Variants in RHEB observed in about 807,000 individuals in gnomAD.
RHEB encodes the protein Ras homolog, mTORC1 binding, also known as GTP-binding protein Rheb.
RHEB carries 2 observed loss-of-function variants against 28.8 expected under a neutral mutation model. The ratio of observed to expected loss-of-function variants is 0.07; its 90% CI spans 0.03 to 0.22. RHEB has a LOEUF of 0.22. RHEB is among the 10% of genes least tolerant of loss of function. The pLI is 1.00. For synonymous variants in RHEB, 69 were observed against 77.3 expected (o/e 0.89, Z 0.56); for missense variants, 76 against 219.9 (o/e 0.35, Z 4.14).
At chr7:151,476,346 A>G (rs987231190) in intron 4 of RHEB, among the ~76,000 whole-genome samples, 4 of 152,190 alleles carry the variant, frequency 2.6e-5, no homozygotes, top group Admixed American at 2.0e-4. Flanking sequence ...ACTGTAACCG[A>G]GGGAGGCTTA....
At chr7:151,482,214 T>C (rs1198234549) in intron 3 of RHEB, among the ~76,000 whole-genome samples, 1 of 152,210 alleles carries the variant, frequency 6.6e-6, no homozygotes. Flanking sequence ...TCACTATTTA[T>C]AGATAAAGCT....
intron 1 of RHEB, among the ~76,000 whole-genome samples, chr7:151,509,753 T>C (rs112135060): frequency 3.9e-5 from 6 of 152,262 alleles, no homozygotes; most frequent in African/African-American, 2.4e-5. Context: ...CTTTAAGTGG[T>C]TGGAAAAAGA....
intron 1 of RHEB, among the ~76,000 whole-genome samples, chr7:151,492,683 T>C (rs1241054778): frequency 6.6e-6 from 1 of 151,794 alleles, no homozygotes; most frequent in Non-Finnish European, 1.5e-5. Context: ...GGTAGACCTA[T>C]TTACTCCTTA....
chr7:151,496,093 C>A (rs1453320501), intron 1 of RHEB, among the ~76,000 whole-genome samples: 2 of 152,218 alleles, frequency 1.3e-5, no homozygotes, highest in Non-Finnish European at 2.9e-5. Flanking sequence ...TGTAATGCAT[C>A]TAGGACACAA....
chr7:151,499,380 A>C (rs1180827765), intron 1 of RHEB, among the ~76,000 whole-genome samples: 1 of 152,158 alleles, frequency 6.6e-6, no homozygotes, highest in African/African-American at 2.4e-5. Flanking sequence ...AAGGACAGGA[A>C]AGGAAAGGGC....
chr7:151,477,859 T>C (rs145685550), intron 3 of RHEB, among the ~76,000 whole-genome samples: 1 of 152,224 alleles, frequency 6.6e-6, no homozygotes, highest in East Asian at 1.9e-4. Context: ...TCAGTCACAA[T>C]GACCTGAGCT....
chr7:151,484,913 G>C, intron 2 of RHEB, 109 bp from the exon 3 acceptor site: 1 of 661,946 alleles, frequency 1.5e-6, no homozygotes, highest in Admixed American at 2.7e-5. Context: ...CAGTCTCAGA[G>C]AAAGGCCCCA....
intron 1 of RHEB, chr7:151,517,962 G>A (rs1254486853): frequency 6.6e-6 from 1 of 152,174 alleles, no homozygotes. Context: ...ATGCAGAGGA[G>A]GAAATCAAGA....
intron 1 of RHEB, among the ~76,000 whole-genome samples, chr7:151,511,423 A>C (rs1211145525): frequency 1.3e-5 from 2 of 152,218 alleles, no homozygotes; most frequent in Non-Finnish European, 2.9e-5. Context: ...CCAAGCAAGC[A>C]TGACACTTCG....
intron 4 of RHEB, among the ~76,000 whole-genome samples, chr7:151,474,411 C>T (rs1356600111): frequency 6.6e-6 from 1 of 152,142 alleles, no homozygotes; most frequent in Non-Finnish European, 1.5e-5. Context: ...GAACTCCTGA[C>T]CTCAAATGAT....
chr7:151,471,273 A>G (rs1276970461), intron 6 of RHEB, 121 bp downstream of exon 6: 6 of 710,268 alleles, frequency 8.4e-6, no homozygotes, highest in Non-Finnish European at 1.4e-5. Context: ...GCACACGACC[A>G]TAACACCTCT....
At chr7:151,470,242 C>CT (rs371576808) in intron 7 of RHEB, 67 of 165,470 alleles carry the variant, frequency 4.0e-4, no homozygotes, top group East Asian at 6.6e-4. Flanking sequence ...TGATATAATT[C>CT]TTTTTTTTTC....
intron 2 of RHEB, among the ~76,000 whole-genome samples, chr7:151,486,742 C>T (rs1382147495): frequency 1.3e-5 from 2 of 152,146 alleles, no homozygotes; most frequent in African/African-American, 4.8e-5. Flanking sequence ...ACTGTACAGA[C>T]TATCACAATC....
At chr7:151,519,282 G>C in intron 1 of RHEB, 178 bp downstream of exon 1, 1 of 319,172 alleles carries the variant, frequency 3.1e-6, no homozygotes, top group Non-Finnish European at 5.2e-6. Flanking sequence ...CTCCACCGGC[G>C]CGGACGCCGC....
At chr7:151,503,502 C>A in intron 1 of RHEB, 1 of 897,688 alleles carries the variant, frequency 1.1e-6, no homozygotes, top group Non-Finnish European at 1.8e-6. Flanking sequence ...CTCCAGCATC[C>A]AACCCAAGAA....
intron 1 of RHEB, among the ~76,000 whole-genome samples, chr7:151,495,618 GA>G (rs1802659059): frequency 6.6e-6 from 1 of 152,114 alleles, no homozygotes; most frequent in Non-Finnish European, 1.5e-5. Flanking sequence ...TAAGTTTTCA[GA>G]TTAATATTGA....
In RHEB at chr7:151,502,960, T is replaced by C. The variant is rs1230575223; in HGVS notation, c.53-11946A>G. On this transcript the variant is annotated intron_variant, in intron 1 of 7. Coordinates refer to ENST00000262187, the MANE Select transcript of RHEB (RefSeq NM_005614.4). Reference sequence around the variant, plus strand: ...GTGAAAATGGATTCAATCAAGCTACTGAGTTATCTACTGAAGTCCTCTCCG... The same window carrying C: ...GTGAAAATGGATTCAATCAAGCTACCGAGTTATCTACTGAAGTCCTCTCCG... 1.5e-5 allele frequency: 12 copies of C among 784,082 alleles called. No homozygotes were observed. In the Admixed American group the frequency reaches 1.9e-4, roughly 12 times the overall value. The allele number at this position is 784,082 out of a possible 1,614,324, so 48.6% of individuals were successfully genotyped here. A position where few individuals can be genotyped will look rare whatever the true frequency, so the allele number is the denominator to read the frequency against.
In RHEB at chr7:151,502,592, C is replaced by G. The variant is rs545282348; in HGVS notation, c.53-11578G>C. On this transcript the variant is annotated intron_variant, in intron 1 of 7. Transcript: ENST00000262187. ...AACAAATTCCATAAAGGGGCTCTTACAGCACTACTTTCAGATGACAGCAAG... is the reference window on the plus strand; with the variant it reads ...AACAAATTCCATAAAGGGGCTCTTAGAGCACTACTTTCAGATGACAGCAAG... 291 of 1,346,048 alleles carry G rather than the reference C, an allele frequency of 2.2e-4. 3 individuals carry two copies. In the South Asian group the frequency reaches 3.2e-3, roughly 15 times the overall value. The allele number at this position is 1,346,048 out of a possible 1,614,324, so 83.4% of individuals were successfully genotyped here.
chr7:151,485,848 A>G (rs542666836), intron 2 of RHEB, among the ~76,000 whole-genome samples: 1 of 152,280 alleles, frequency 6.6e-6, no homozygotes, highest in South Asian at 2.1e-4. Context: ...TTTCTAATAC[A>G]AGCAGGGGGG....
Sources: allele counts gnomAD v4.1 joint callset (sites outside exome capture counted in the v4.1 genomes callset), GRCh38; gene constraint gnomAD v4.1.1; transcripts MANE v1.5; gene names NCBI Gene and HGNC (gene_info 2026-07-23, HGNC 2026-07-21).